The following FANCL variants were observed in gnomAD, a reference collection of about 807,000 sequenced individuals.
FANCL encodes the protein E3 ubiquitin-protein ligase FANCL.
Under a neutral mutation model 59.4 loss-of-function variants are expected in FANCL, and 69 were observed. The observed-to-expected ratio is 1.16, with a 90% confidence interval of 0.96 to 1.42. The LOEUF (loss-of-function observed/expected upper bound fraction) is 1.42. Ranked by LOEUF, FANCL falls within the 40% of genes most tolerant of loss-of-function variation. FANCL has a pLI of 0.00. For synonymous variants in FANCL, 180 were observed against 147.1 expected, an observed-to-expected ratio of 1.22 and a Z score of -1.62; for missense variants, 519 against 447.2, an observed-to-expected ratio of 1.16 and a Z score of -1.45.
intron 11 of FANCL, among the ~76,000 whole-genome samples, chr2:58,162,612 A>G (rs1685369725): frequency 6.6e-6 from 1 of 151,880 alleles, no homozygotes; most frequent in South Asian, 2.1e-4. Flanking sequence ...TGGGTCCTGC[A>G]GGGTAACTGT....
rs146690827 is a variant in FANCL at position 58,241,286 on chromosome 2, G to C, written c.28C>G (p.Arg10Gly). 1.7e-5 allele frequency: 27 copies of C among 1,614,106 alleles called. No homozygotes were observed. The highest frequency in any genetic ancestry group is 1.9e-5 in the Non-Finnish European group (23 of 1,180,046). ...TGGGGCAGAAGCAGGGGGCACTGGC[G>C]CAACAGGCTCGCTTCCGTCACCGCC... is the stretch of plus-strand genomic sequence containing the variant. MAVTEASLLRQCPLLLPQNR... is the reference protein window; with the variant it reads MAVTEASLLGQCPLLLPQNR... The change falls in exon 1 of 14, where the codon CGC (arginine) becomes GGC (glycine). Residue 10 changes from arginine (R) to glycine (G), a missense_variant. By Grantham distance (125) the Arg-to-Gly change is moderately radical. Coordinates refer to ENST00000233741, the MANE Select transcript of FANCL (RefSeq NM_018062.4).
At chr2:58,170,853 G>A (rs1313871734) in intron 7 of FANCL, among the ~76,000 whole-genome samples, 1 of 152,106 alleles carries the variant, frequency 6.6e-6, no homozygotes, top group Admixed American at 6.5e-5. Context: ...ACCCAATACA[G>A]AAGCAACCAG....
chr2:58,212,524 G>T (rs543686571), intron 5 of FANCL, among the ~76,000 whole-genome samples: 2 of 152,200 alleles, frequency 1.3e-5, no homozygotes, highest in South Asian at 4.2e-4. Context: ...ATAAATTAGG[G>T]CTGTCCTAGG....
intron 5 of FANCL, among the ~76,000 whole-genome samples, chr2:58,218,298 T>C (rs1407554549): frequency 6.6e-6 from 1 of 151,860 alleles, no homozygotes; most frequent in African/African-American, 2.4e-5. Flanking sequence ...AAATTCTTAA[T>C]AAGCAGATAT....
intron 7 of FANCL, among the ~76,000 whole-genome samples, chr2:58,188,141 T>C (rs866352046): frequency 1.3e-5 from 2 of 152,196 alleles, no homozygotes; most frequent in South Asian, 4.1e-4. Context: ...TCTAATTGTC[T>C]CAGCACCATG....
At chr2:58,172,309 C>G (rs1281477286) in intron 7 of FANCL, among the ~76,000 whole-genome samples, 1 of 152,228 alleles carries the variant, frequency 6.6e-6, no homozygotes, top group Admixed American at 6.5e-5. Context: ...TAAGTGGGTT[C>G]TTGACCCCTG....
chr2:58,234,031 C>G (rs1693806169), intron 1 of FANCL, among the ~76,000 whole-genome samples: 1 of 152,032 alleles, frequency 6.6e-6, no homozygotes, highest in African/African-American at 2.4e-5. Context: ...AAATACCCAA[C>G]AGAAGAGGGT....
At chr2:58,214,479 C>T (rs917168238) in intron 5 of FANCL, among the ~76,000 whole-genome samples, 1 of 152,080 alleles carries the variant, frequency 6.6e-6, no homozygotes, top group Non-Finnish European at 1.5e-5. Flanking sequence ...AATTCTGACT[C>T]TTCCACTAGA....
At chr2:58,219,196 A>T in intron 5 of FANCL, among the ~76,000 whole-genome samples, 1 of 130,962 alleles carries the variant, frequency 7.6e-6, no homozygotes, top group African/African-American at 2.8e-5. Flanking sequence ...ATATATATAT[A>T]TATATATATC....
chr2:58,189,112 T>TA (rs1164016386), intron 7 of FANCL, among the ~76,000 whole-genome samples: 1 of 152,080 alleles, frequency 6.6e-6, no homozygotes, highest in East Asian at 1.9e-4. Flanking sequence ...TGAGAAGGAC[T>TA]AAAGGGAGGG....
In FANCL at chr2:58,200,283, G is replaced by C. The variant is rs1467649174; in HGVS notation, c.472-1621C>G. ...AAAGTAAATGTAGACAGAGACCTCA[G>C]CTTTCTTTGGTTCCAGCTCTGCTAA... On this transcript the variant is annotated intron_variant, in intron 6 of 13. Coordinates refer to ENST00000233741, the MANE Select transcript of FANCL (RefSeq NM_018062.4). Among the ~76,000 whole-genome samples the C allele has an allele frequency of 2.0e-5, 3 of 151,980 alleles. No homozygotes were observed. The South Asian group carries it at 6.2e-4, about 31-fold the overall frequency.
At chr2:58,232,544 T>C (rs1693681687) in intron 1 of FANCL, among the ~76,000 whole-genome samples, 1 of 152,094 alleles carries the variant, frequency 6.6e-6, no homozygotes, top group Non-Finnish European at 1.5e-5. Context: ...TATAGTCGTT[T>C]TCAGCTTACT....
At chr2:58,168,858 C>G (rs1026510905) in intron 7 of FANCL, among the ~76,000 whole-genome samples, 8 of 152,076 alleles carry the variant, frequency 5.3e-5, no homozygotes, top group Non-Finnish European at 1.0e-4. Context: ...CAGAGCTCAC[C>G]GCAGCTCAGC....
chr2:58,161,579 A>G lies in FANCL; in HGVS notation c.963T>C (p.Asp321=). ...CACACTGAGAATTATCACACACTTGATCAGGAATGGTACCGTCAAGTTGAT... is the reference window on the plus strand; with the variant it reads ...CACACTGAGAATTATCACACACTTGGTCAGGAATGGTACCGTCAAGTTGAT... ...YAYQLDGTIP[D]QVCDNSQCGQ... is the part of the protein sequence containing the mutation. The change falls in exon 12 of 14, where the codon GAT becomes GAC. Residue 321 remains aspartate, a synonymous_variant. Transcript: ENST00000233741. 6.2e-7 allele frequency: 1 copy of G among 1,611,748 alleles called. No homozygotes were observed. Among genetic ancestry groups the G allele is most frequent in the Non-Finnish European group, 8.5e-7 (1 of 1,178,178 alleles).
intron 11 of FANCL, among the ~76,000 whole-genome samples, chr2:58,162,355 C>G (rs1685316596): frequency 6.6e-6 from 1 of 151,946 alleles, no homozygotes; most frequent in Non-Finnish European, 1.5e-5. Flanking sequence ...AGCCAAACAT[C>G]TCATTAGCTA....
At chr2:58,185,623 G>A (rs530460549) in intron 7 of FANCL, among the ~76,000 whole-genome samples, 10 of 152,136 alleles carry the variant, frequency 6.6e-5, no homozygotes, top group Non-Finnish European at 1.2e-4. Flanking sequence ...AGTTATGAAT[G>A]AGTCAAAGAC....
At chr2:58,190,434 T>C (rs1267371377) in intron 7 of FANCL, among the ~76,000 whole-genome samples, 3 of 145,032 alleles carry the variant, frequency 2.1e-5, no homozygotes, top group Non-Finnish European at 1.5e-5. Flanking sequence ...TTCAATCTTA[T>C]CCTTAGCATC....
At chr2:58,201,697 A>G (rs1376900823) in intron 6 of FANCL, among the ~76,000 whole-genome samples, 1 of 152,118 alleles carries the variant, frequency 6.6e-6, no homozygotes, top group East Asian at 1.9e-4. Flanking sequence ...ATAAAAATAT[A>G]CCTATAAAAA....
At chr2:58,175,133 C>T (rs1687152959) in intron 7 of FANCL, among the ~76,000 whole-genome samples, 1 of 146,480 alleles carries the variant, frequency 6.8e-6, no homozygotes, top group South Asian at 2.2e-4. Context: ...GAAATTGTGG[C>T]GAAAATCAAT....
Sources: allele counts gnomAD v4.1 joint callset (sites outside exome capture counted in the v4.1 genomes callset), GRCh38; gene constraint gnomAD v4.1.1; transcripts MANE v1.5; gene names NCBI Gene and HGNC (gene_info 2026-07-23, HGNC 2026-07-21).